Variants in TPPP observed in about 807,000 individuals in gnomAD.
TPPP encodes tubulin polymerization-promoting protein.
A neutral mutation model predicts 15.5 loss-of-function variants in TPPP; 6 were observed. The observed-to-expected ratio is 0.39, with a 90% CI of 0.21 to 0.77. TPPP has a LOEUF of 0.77. Ranked by LOEUF, TPPP falls within the 30% of genes least tolerant of loss-of-function variation. The pLI, the probability that TPPP is intolerant of heterozygous loss-of-function variation, is 0.42. For synonymous variants in TPPP, 146 were observed against 133.9 expected, an observed-to-expected ratio of 1.09 and a Z score of -0.63; for missense variants, 269 against 307.2, an observed-to-expected ratio of 0.88 and a Z score of 0.93.
At chr5:671,913 AG>A (rs1740237721) in intron 2 of TPPP, among the ~76,000 whole-genome samples, 1 of 152,038 alleles carries the variant, frequency 6.6e-6, no homozygotes. Context: ...ACCACGGGGG[AG>A]GGGGAGGGGA....
At chr5:692,182 C>T (rs1266599696) in intron 1 of TPPP, among the ~76,000 whole-genome samples, 1 of 5,948 alleles carries the variant, frequency 1.7e-4, no homozygotes, top group Non-Finnish European at 2.9e-4. Flanking sequence ...AAAACAGCAG[C>T]CCCCAACCCC....
At chr5:672,490 C>T (rs1294259307) in intron 2 of TPPP, among the ~76,000 whole-genome samples, 3 of 152,274 alleles carry the variant, frequency 2.0e-5, no homozygotes, top group Non-Finnish European at 4.4e-5. Context: ...GCAGCCCAGC[C>T]CTCCTTCCTC....
intron 1 of TPPP, among the ~76,000 whole-genome samples, chr5:693,049 C>A (rs1420937444): frequency 6.7e-6 from 1 of 149,074 alleles, no homozygotes; most frequent in Non-Finnish European, 1.5e-5. Context: ...CCGCTCGCGG[C>A]CTTTGCAAAG....
chr5:676,362 G>C (rs1202021950), intron 2 of TPPP: 1 of 122,358 alleles, frequency 8.2e-6, no homozygotes, highest in East Asian at 2.5e-4. Context: ...CAGCTGCAAA[G>C]GTCACGGCGC....
At chr5:697,623 C>T (rs1413945996), upstream of TPPP, among the ~76,000 whole-genome samples, 2 of 152,060 alleles carry the variant, frequency 1.3e-5, no homozygotes, top group African/African-American at 2.4e-5. Flanking sequence ...TGGCTCCAAG[C>T]AGACCACAAG....
rs547283595 is a variant in TPPP, at chr5:669,146, C to T, written c.312-3023G>A. 3.3e-4 allele frequency among the ~76,000 whole-genome samples: 51 copies of T among 152,296 alleles called. No individual in the cohort carries two copies. The South Asian group carries it at 6.4e-3, about 19-fold the overall frequency. On this transcript the variant is annotated intron_variant, in intron 2 of 3. Transcript: ENST00000360578. ...AGGGGAGCGGAGGCCTCGCTGTGTC[C>T]GGAGGGGGCTTTGGGGAGACAGAGC...
chr5:678,683 G>T (rs1244721246), intron 1 of TPPP, among the ~76,000 whole-genome samples: 1 of 149,704 alleles, frequency 6.7e-6, no homozygotes, highest in Non-Finnish European at 1.5e-5. Context: ...GGAGCCCTGG[G>T]CCTGGCCCCG....
At position 661,266 on chromosome 5, in the gene TPPP, CCTCT is replaced by C. The variant is rs1422222516; in HGVS notation, c.*3832_*3835del. 1.3e-5 allele frequency: 2 copies of C among 153,510 alleles called. No homozygotes were observed. Among genetic ancestry groups the C allele is most frequent in the African/African-American group, 4.8e-5 (2 of 41,350 alleles). 9.5% of individuals were successfully genotyped at this position (153,510 alleles called of 1,614,324 possible). A position where few individuals can be genotyped will look rare whatever the true frequency, so the allele number is the denominator to read the frequency against. ...GGTGTCACCCCTGACAGAACCTGTC[CCTCT>C]CTCCTGGTGTCACCCCCGACAGAAC... On this transcript the variant is annotated 3_prime_UTR_variant, in exon 4 of 4. Transcript: ENST00000360578.
rs1210244641 is a variant in TPPP at position 668,452 on chromosome 5, A to G, written c.312-2329T>C. Among the ~76,000 whole-genome samples the G allele has an allele frequency of 3.0e-5, 4 of 132,700 alleles. No homozygotes were observed. The East Asian group carries it at 7.9e-4, about 26-fold the overall frequency. The allele number at this position is 132,700 out of a possible 152,430, so 87.1% of individuals were successfully genotyped here. A position where few individuals can be genotyped will look rare whatever the true frequency, so the allele number is the denominator to read the frequency against. ...TGGGCGCCGTCAGGGAAGTGCGGAC[A>G]AGCACACGGAGAGGGGGCCGCGTGG... On this transcript the variant is annotated intron_variant, in intron 2 of 3. Transcript: ENST00000360578.
intron 1 of TPPP, among the ~76,000 whole-genome samples, chr5:680,369 C>T (rs1165463073): frequency 1.1e-5 from 1 of 90,460 alleles, no homozygotes; most frequent in African/African-American, 7.4e-5. Context: ...TACCCACGTC[C>T]ACTGTCCCAC....
chr5:671,449 A>G (rs988943959), intron 2 of TPPP, among the ~76,000 whole-genome samples: 2 of 152,074 alleles, frequency 1.3e-5, no homozygotes, highest in Non-Finnish European at 2.9e-5. Flanking sequence ...TGTGCACCTG[A>G]AGTCAGTTTC....
chr5:672,025 C>T (rs1257230855), intron 2 of TPPP, among the ~76,000 whole-genome samples: 2 of 152,250 alleles, frequency 1.3e-5, no homozygotes, highest in African/African-American at 4.8e-5. Context: ...CTCTGAGGAC[C>T]TCACTTGCCC....
chr5:687,060 C>T (rs11748745), intron 1 of TPPP, among the ~76,000 whole-genome samples: 51,876 of 122,664 alleles, frequency 0.42, 13,734 homozygotes, highest in African/African-American at 0.54. Flanking sequence ...GCAACACACA[C>T]GGACTAACAC....
chr5:667,581 C>G lies in TPPP; in HGVS notation c.312-1458G>C, dbSNP rs374703729. Among the ~76,000 whole-genome samples the G allele has an allele frequency of 6.6e-5, 10 of 151,792 alleles. No homozygotes were observed. In the East Asian group the frequency reaches 1.9e-3, roughly 29 times the overall value. On this transcript the variant is annotated intron_variant, in intron 2 of 3. Coordinates refer to ENST00000360578, the MANE Select transcript of TPPP (RefSeq NM_007030.3). ...ATGAACTAGACTTCATCAAAACGTT[C>G]GAAACTCTGCTCTCAGAAGACACCG... is the stretch of plus-strand genomic sequence containing the variant.
chr5:674,452 G>A (rs951117632), intron 2 of TPPP, among the ~76,000 whole-genome samples: 20 of 152,122 alleles, frequency 1.3e-4, no homozygotes, highest in African/African-American at 3.9e-4. Context: ...CTGCTTCTGC[G>A]TGGGCTAAAT....
Position 660,574 on chromosome 5 carries a change from G to A in TPPP, c.*4528C>T, listed in dbSNP as rs1466071402. 6.6e-6 allele frequency: 1 copy of A among 152,446 alleles called. No homozygotes were observed. The highest frequency in any genetic ancestry group is 1.5e-5 in the Non-Finnish European group (1 of 68,122). 9.4% of individuals were successfully genotyped at this position (152,446 alleles called of 1,614,324 possible). Reference sequence around the variant, plus strand: ...CCCCTCGTGGTGTGTGCTGTGGGGTGGGAGGGTGGCCAGTGCACGCGTGAT... The same window carrying A: ...CCCCTCGTGGTGTGTGCTGTGGGGTAGGAGGGTGGCCAGTGCACGCGTGAT... On this transcript the variant is annotated 3_prime_UTR_variant, in exon 4 of 4. Coordinates refer to ENST00000360578, the MANE Select transcript of TPPP (RefSeq NM_007030.3).
At chr5:683,224 C>A (rs1579195986) in intron 1 of TPPP, among the ~76,000 whole-genome samples, 1 of 152,216 alleles carries the variant, frequency 6.6e-6, no homozygotes, top group Non-Finnish European at 1.5e-5. Flanking sequence ...AGCCCCCTCC[C>A]CATCTCCCTC....
rs1739770108 is a variant in TPPP at position 663,540 on chromosome 5, G to C, written c.*1562C>G. 6.6e-6 allele frequency: 1 copy of C among 152,426 alleles called. No individual in the cohort carries two copies. The highest frequency in any genetic ancestry group is 1.5e-5 in the Non-Finnish European group (1 of 68,134). 9.4% of individuals were successfully genotyped at this position (152,426 alleles called of 1,614,324 possible). The stretch of plus-strand genomic sequence containing the variant: ...AGCCCTCAGCGGACCATGCTGGCTG[G>C]GAGCTCCGCCCTGGGGCTTCTGCTC... On this transcript the variant is annotated 3_prime_UTR_variant, in exon 4 of 4. Coordinates refer to ENST00000360578, the MANE Select transcript of TPPP (RefSeq NM_007030.3).
rs531390574 is a variant in TPPP at position 669,271 on chromosome 5, GCTGGTGAGC to G, written c.312-3157_312-3149del. 8.2e-4 allele frequency among the ~76,000 whole-genome samples: 113 copies of G among 137,046 alleles called. No individual in the cohort carries two copies. The East Asian group carries it at 9.7e-3, about 12-fold the overall frequency. The allele number at this position is 137,046 out of a possible 152,430, so 89.9% of individuals were successfully genotyped here. ...TGTCCAGCAGCATCCCCCAGGGGGC[GCTGGTGAGC>G]CCGGTGAGCCGGAGGTGCCCTGGGC... On this transcript the variant is annotated intron_variant, in intron 2 of 3. Coordinates refer to ENST00000360578, the MANE Select transcript of TPPP (RefSeq NM_007030.3).
Sources: allele counts gnomAD v4.1 joint callset (sites outside exome capture counted in the v4.1 genomes callset), GRCh38; gene constraint gnomAD v4.1.1; transcripts MANE v1.5; gene names NCBI Gene and HGNC (gene_info 2026-07-23, HGNC 2026-07-21).